Variants in PCDH11X observed in about 807,000 individuals in gnomAD.
PCDH11X encodes the protein protocadherin-11 X-linked.
PCDH11X carries 18 observed loss-of-function variants against 53.3 expected under a neutral mutation model. The observed-to-expected ratio is 0.34, with a 90% CI of 0.23 to 0.50. PCDH11X has a LOEUF of 0.50. Among genes scored for constraint, PCDH11X ranks in the 20% least tolerant of loss-of-function variants. The pLI is 0.98. For missense variants in PCDH11X, 570 were observed against 1,032.4 expected, an observed-to-expected ratio of 0.55 and a Z score of 6.14; for synonymous variants, 279 against 393.3, an observed-to-expected ratio of 0.71 and a Z score of 3.44.
intron 6 of PCDH11X, among the ~76,000 whole-genome samples, chrX:92,128,252 CTA>C (rs79975009): frequency 0.14 from 15,068 of 110,427 alleles, 1,039 homozygotes; most frequent in Admixed American, 0.28. Context: ...TCTTACATCT[CTA>C]AACTCACTTT....
Position 92,109,338 on chromosome X carries a change from C to T in PCDH11X, c.3034-92037C>T, listed in dbSNP as rs752489117. Among the ~76,000 whole-genome samples the T allele has an allele frequency of 9.5e-4, 105 of 110,331 alleles. 1 individual carries two copies. Among genetic ancestry groups the T allele is most frequent in the Middle Eastern group, 9.3e-3 (2 of 216 alleles). ...GCTGTGAGCCGAGATCATGCCACTG[C>T]ACTCCAGCCTGGGTGACAGAGGGAG... On this transcript the variant is annotated intron_variant, in intron 6 of 10. Transcript: ENST00000682573.
chrX:92,111,251 A>AAAAAAAAAAAT (rs1487114803), intron 6 of PCDH11X, among the ~76,000 whole-genome samples: 4 of 96,763 alleles, frequency 4.1e-5, no homozygotes, highest in Admixed American at 3.5e-4. Context: ...AAAAAAAAAA[A>AAAAAAAAAAAT]TCAGCGTCAA....
At chrX:91,857,752 A>G (rs945655868) in intron 5 of PCDH11X, among the ~76,000 whole-genome samples, 5 of 112,029 alleles carry the variant, frequency 4.5e-5, no homozygotes, top group African/African-American at 1.3e-4. Flanking sequence ...GTAGGTTCCC[A>G]TGGTCTTGGG....
intron 6 of PCDH11X, among the ~76,000 whole-genome samples, chrX:92,128,147 T>C (rs2064904102): frequency 8.9e-6 from 1 of 111,795 alleles, no homozygotes; most frequent in Non-Finnish European, 1.9e-5. Flanking sequence ...TGGAAGCAAT[T>C]TGAAATACTA....
At chrX:92,130,100 T>C (rs1398066503) in intron 6 of PCDH11X, among the ~76,000 whole-genome samples, 1 of 111,726 alleles carries the variant, frequency 9.0e-6, no homozygotes, top group African/African-American at 3.3e-5. Flanking sequence ...ATGTAATATA[T>C]GCACATATGT....
At chrX:92,490,973 C>G (rs953917507) in intron 10 of PCDH11X, among the ~76,000 whole-genome samples, 1 of 107,712 alleles carries the variant, frequency 9.3e-6, no homozygotes, top group African/African-American at 3.4e-5. Context: ...TAATTAACTA[C>G]GAAAAGGTCA....
At chrX:92,254,418 T>C (rs1012617078) in intron 7 of PCDH11X, among the ~76,000 whole-genome samples, 1 of 110,847 alleles carries the variant, frequency 9.0e-6, no homozygotes, top group Non-Finnish European at 1.9e-5. Context: ...TGTCTTTTAA[T>C]TGGAGCATTT....
chrX:92,256,644 G>T (rs367662389), intron 7 of PCDH11X, among the ~76,000 whole-genome samples: 1 of 111,188 alleles, frequency 9.0e-6, no homozygotes, highest in South Asian at 3.8e-4. Context: ...TTGCTGCACA[G>T]ATCATCTCAT....
intron 7 of PCDH11X, among the ~76,000 whole-genome samples, chrX:92,232,856 T>C (rs960024753): frequency 1.3e-4 from 15 of 111,424 alleles, no homozygotes; most frequent in Middle Eastern, 4.6e-3. Context: ...GCTGGGACTA[T>C]AGGCGCCCGC....
Position 92,619,145 on chromosome X carries a change from A to T in PCDH11X, c.*205A>T. On this transcript the variant is annotated 3_prime_UTR_variant, in exon 11 of 11. Coordinates refer to ENST00000682573, the MANE Select transcript of PCDH11X (RefSeq NM_032968.5). ...TAATTCAGAATGTGTATTTAAAAAG[A>T]AAAGGAATTTAACAATTTGCATCCC... 2.2e-6 allele frequency: 1 copy of T among 463,546 alleles called. No homozygotes were observed. Among genetic ancestry groups the T allele is most frequent in the Non-Finnish European group, 3.7e-6 (1 of 273,770 alleles). The allele number at this position is 463,546 out of a possible 1,213,427, so 38.2% of individuals were successfully genotyped here. A position where few individuals can be genotyped will look rare whatever the true frequency, so the allele number is the denominator to read the frequency against.
Position 92,020,476 on chromosome X carries a change from T to C in PCDH11X, c.3033+141203T>C, listed in dbSNP as rs748509661. Among the ~76,000 whole-genome samples the C allele has an allele frequency of 1.8e-3, 204 of 111,405 alleles. 1 individual carries two copies. Among genetic ancestry groups the C allele is most frequent in the African/African-American group, 6.4e-3 (196 of 30,670 alleles). Reference sequence around the variant, plus strand: ...CCTGACCCTGACCCATTCTTCCTCATTGGGCAGGGCCTCCCTGCAGGAACT... The same window carrying C: ...CCTGACCCTGACCCATTCTTCCTCACTGGGCAGGGCCTCCCTGCAGGAACT... On this transcript the variant is annotated intron_variant, in intron 6 of 10. Coordinates refer to ENST00000682573, the MANE Select transcript of PCDH11X (RefSeq NM_032968.5).
intron 6 of PCDH11X, among the ~76,000 whole-genome samples, chrX:92,195,615 G>A (rs140845624): frequency 1.2e-4 from 13 of 110,953 alleles, no homozygotes; most frequent in Non-Finnish European, 2.5e-4. Context: ...TCTCATCATT[G>A]TAGCTTTGAT....
intron 6 of PCDH11X, among the ~76,000 whole-genome samples, chrX:91,890,215 G>A (rs1257361224): frequency 2.7e-5 from 3 of 111,540 alleles, no homozygotes; most frequent in African/African-American, 9.8e-5. Flanking sequence ...ATTTATGTTT[G>A]TCAAATTTCT....
At chrX:91,931,874 G>A (rs1165355861) in intron 6 of PCDH11X, among the ~76,000 whole-genome samples, 1 of 110,820 alleles carries the variant, frequency 9.0e-6, no homozygotes, top group Non-Finnish European at 1.9e-5. Context: ...GTGCAGTTTT[G>A]TTACATACGT....
chrX:92,614,849 T>C (rs1927798595), intron 10 of PCDH11X, among the ~76,000 whole-genome samples: 1 of 111,862 alleles, frequency 8.9e-6, no homozygotes, highest in South Asian at 3.7e-4. Flanking sequence ...GTGCTCCACA[T>C]GCCTAGAGAT....
At chrX:92,075,199 G>A (rs950951694) in intron 6 of PCDH11X, among the ~76,000 whole-genome samples, 4 of 109,373 alleles carry the variant, frequency 3.7e-5, no homozygotes, top group African/African-American at 1.3e-4. Context: ...CATCTCACGA[G>A]GCCTCTATTG....
intron 9 of PCDH11X, among the ~76,000 whole-genome samples, chrX:92,438,559 T>C (rs191626234): frequency 0.027 from 3,019 of 110,315 alleles, 70 homozygotes; most frequent in African/African-American, 0.077. Context: ...CCATAAAACC[T>C]AGGAAGGATT....
chrX:91,875,277 A>ATTTTTT (rs1179910381), intron 5 of PCDH11X, among the ~76,000 whole-genome samples: 1 of 63,757 alleles, frequency 1.6e-5, no homozygotes, highest in Non-Finnish European at 2.8e-5. Flanking sequence ...CAGGGAGGGG[A>ATTTTTT]TTTTTTTTTT....
intron 8 of PCDH11X, among the ~76,000 whole-genome samples, chrX:92,284,606 G>A (rs2068320967): frequency 8.9e-6 from 1 of 112,257 alleles, no homozygotes; most frequent in Admixed American, 9.5e-5. Flanking sequence ...AGAAAACGCA[G>A]GATGAGAACC....
Sources: allele counts gnomAD v4.1 joint callset (sites outside exome capture counted in the v4.1 genomes callset), GRCh38; gene constraint gnomAD v4.1.1; transcripts MANE v1.5; gene names NCBI Gene and HGNC (gene_info 2026-07-23, HGNC 2026-07-21).